Variants in GOLGA8T observed in about 807,000 individuals in gnomAD.
The protein encoded by GOLGA8T is golgin subfamily A member 8T.
A neutral mutation model predicts 52.0 loss-of-function variants in GOLGA8T; 17 were observed. The observed-to-expected ratio is 0.33, with a 90% CI of 0.22 to 0.49. The LOEUF (loss-of-function observed/expected upper bound fraction) is 0.49. GOLGA8T is among the 20% of genes least tolerant of loss of function. GOLGA8T has a pLI of 0.99. For missense variants in GOLGA8T, 154 were observed against 462.1 expected (o/e 0.33, Z 6.11); for synonymous variants, 67 against 169.5 (o/e 0.40, Z 4.70).
chr15:30,137,184 T>C (rs2057701036), intron 2 of GOLGA8T, among the ~76,000 whole-genome samples, 199 bp downstream of exon 2: 1 of 146,500 alleles, frequency 6.8e-6, no homozygotes, highest in Non-Finnish European at 1.5e-5. Flanking sequence ...GAGACCATCC[T>C]GGTTAACACG....
rs745883856 is a variant in GOLGA8T at position 30,142,430 on chromosome 15, G to T, written c.1200+48G>T. 33 of 1,580,558 alleles carry T rather than the reference G, an allele frequency of 2.1e-5. 3 individuals carry two copies. In the Admixed American group the frequency reaches 5.7e-4, roughly 27 times the overall value. ...CCCCATCCAAGAAGGGCTGGGAGGC[G>T]GGCAGCAGACTCTGGGGAGGGGAGG... On this transcript the variant is annotated intron_variant, in intron 13 of 18. Transcript: ENST00000569052.
chr15:30,142,515 G>A lies in GOLGA8T; in HGVS notation c.1200+133G>A. 7 of 1,502,926 alleles carry A rather than the reference G, an allele frequency of 4.7e-6. No individual in the cohort carries two copies. The South Asian group carries it at 8.4e-5, about 18-fold the overall frequency. The allele number at this position is 1,502,926 out of a possible 1,614,324, so 93.1% of individuals were successfully genotyped here. On this transcript the variant is annotated intron_variant, in intron 13 of 18. Transcript: ENST00000569052. ...GGTGACCACAGCACCCCCCAGGGCAGTCCTGTTTCTTGCTTCCTGCCTCTG... is the reference window on the plus strand; with the variant it reads ...GGTGACCACAGCACCCCCCAGGGCAATCCTGTTTCTTGCTTCCTGCCTCTG...
rs866157009 is a variant in GOLGA8T at position 30,148,521 on chromosome 15, T to C, written c.*2954T>C. ...AAATAATTTAAAACATTTTAAAATA[T>C]GAATACTGTAGTATAAAAGAAAGAA... On this transcript the variant is annotated 3_prime_UTR_variant, in exon 19 of 19. Transcript: ENST00000569052. 5.2e-3 allele frequency among the ~76,000 whole-genome samples: 675 copies of C among 130,728 alleles called. 19 individuals carry two copies. Among genetic ancestry groups the C allele is most frequent in the African/African-American group, 0.021 (634 of 29,760 alleles). 85.8% of individuals were successfully genotyped at this position (130,728 alleles called of 152,430 possible). A position where few individuals can be genotyped will look rare whatever the true frequency, so the allele number is the denominator to read the frequency against.
At chr15:30,142,132 G>A in intron 12 of GOLGA8T, 74 bp downstream of exon 12, 2 of 503,232 alleles carry the variant, frequency 4.0e-6, no homozygotes, top group Non-Finnish European at 6.6e-6. Context: ...CTCTAAAATG[G>A]GGCAGTGTAG....
chr15:30,142,461 G>A (rs2057757892), intron 13 of GOLGA8T, 79 bp downstream of exon 13: 2 of 1,573,016 alleles, frequency 1.3e-6, no homozygotes, highest in South Asian at 2.3e-5. Flanking sequence ...GGAGGTACGA[G>A]GCCAGAGGCA....
At position 30,142,363 on chromosome 15, in the gene GOLGA8T, T is replaced by C; in HGVS notation, c.1181T>C (p.Leu394Pro). 6.5e-7 allele frequency: 1 copy of C among 1,545,908 alleles called. No homozygotes were observed. The highest frequency in any genetic ancestry group is 8.7e-7 in the Non-Finnish European group (1 of 1,155,338). ...CAGTTGGAGCAGCAAGTAAAGGAGC[T>C]ACAGGAGAAGCTTGGCGAGGTGAAG... ...ALQLEQQVKELQEKLGEEHLE... is the reference protein window; with the variant it reads ...ALQLEQQVKEPQEKLGEEHLE... The change falls in exon 13 of 19, where the codon CTA becomes CCA. Residue 394 changes from leucine (L) to proline (P), a missense_variant. By Grantham distance (98) the Leu-to-Pro change is moderately conservative. This residue lies in a region of GOLGA8T where 54 missense variants were observed against 51.5 expected (regional missense o/e 1.05). Transcript: ENST00000569052.
chr15:30,142,303 T>C lies in GOLGA8T; in HGVS notation c.1132-11T>C, dbSNP rs754439831. 8.0e-6 allele frequency: 12 copies of C among 1,501,876 alleles called. 1 individual carries two copies. In the South Asian group the frequency reaches 1.4e-4, roughly 18 times the overall value. The allele number at this position is 1,501,876 out of a possible 1,614,324, so 93.0% of individuals were successfully genotyped here. On this transcript the variant is annotated splice_polypyrimidine_tract_variant and intron_variant, in intron 12 of 18. Coordinates refer to ENST00000569052, the MANE Select transcript of GOLGA8T (RefSeq NM_001355469.2). ...GCAGTGGGTGGCTGCTGATTGCTTC[T>C]CTCTGTCCAGAACAATGAGAACAAG...
Position 30,141,352 on chromosome 15 carries a change from G to C in GOLGA8T, c.801G>C (p.Lys267Asn). The C allele has an allele frequency of 1.3e-6, 2 of 1,547,594 alleles. No homozygotes were observed. The highest frequency in any genetic ancestry group is 1.7e-6 in the Non-Finnish European group (2 of 1,158,934). The change falls in exon 11 of 19, where the codon AAG (lysine) becomes AAC (asparagine). Residue 267 changes from lysine to asparagine, a missense_variant. Transcript: ENST00000569052. ...GCTTTGGGCAGATTTGCACATTAAA[G>C]AAAGAGAAGCAGCAAGATATGCGTC... The part of the protein sequence containing the change: ...RKMSQEICTL[K>N]KEKQQDMRRV...
At position 30,141,906 on chromosome 15, in the gene GOLGA8T, A is replaced by C; in HGVS notation, c.979A>C (p.Lys327Gln). 1 of 503,118 alleles carries C rather than the reference A, an allele frequency of 2.0e-6. No homozygotes were observed. Among genetic ancestry groups the C allele is most frequent in the South Asian group, 2.2e-5 (1 of 45,924 alleles). 31.2% of individuals were successfully genotyped at this position (503,118 alleles called of 1,614,324 possible). A position where few individuals can be genotyped will look rare whatever the true frequency, so the allele number is the denominator to read the frequency against. The change falls in exon 12 of 19, where the codon AAA becomes CAA. Residue 327 changes from lysine (K) to glutamine (Q), a missense_variant. Transcript: ENST00000569052. ...GGCAGGAGAGCTCCAGGCCCAGGTCAAAAAGAATCAGCGCATAAGTCTCCT... is the reference window on the plus strand; with the variant it reads ...GGCAGGAGAGCTCCAGGCCCAGGTCCAAAAGAATCAGCGCATAAGTCTCCT... ...RVAGELQAQVKKNQRISLLNQ... is the reference protein window; with the variant it reads ...RVAGELQAQVQKNQRISLLNQ...
At chr15:30,144,494 A>G (rs1717597438) in intron 15 of GOLGA8T, among the ~76,000 whole-genome samples, 1 of 125,602 alleles carries the variant, frequency 8.0e-6, no homozygotes, top group African/African-American at 3.3e-5. Context: ...GCTAGTGCCC[A>G]GGAGAAGCAG....
Position 30,145,623 on chromosome 15 carries a change from T to G in GOLGA8T, c.*56T>G, listed in dbSNP as rs1189589867. ...AATTTTTAAATAAGAAACCAAGTTA[T>G]GGGGTTAATCTCCTACACAATTCAT... is the stretch of plus-strand genomic sequence containing the variant. On this transcript the variant is annotated 3_prime_UTR_variant, in exon 19 of 19. Transcript: ENST00000569052. 47 of 888,568 alleles carry G rather than the reference T, an allele frequency of 5.3e-5. 1 individual carries two copies. The highest frequency in any genetic ancestry group is 7.6e-5 in the Non-Finnish European group (46 of 603,620). The allele number at this position is 888,568 out of a possible 1,614,324, so 55.0% of individuals were successfully genotyped here. A position where few individuals can be genotyped will look rare whatever the true frequency, so the allele number is the denominator to read the frequency against.
rs764581833 is a variant in GOLGA8T at position 30,142,394 on chromosome 15, G to A, written c.1200+12G>A. On this transcript the variant is annotated intron_variant, in intron 13 of 18. Coordinates refer to ENST00000569052, the MANE Select transcript of GOLGA8T (RefSeq NM_001355469.2). ...AGAAGCTTGGCGAGGTGAAGGAGAC[G>A]GAAACCTCCACCCCATCCAAGAAGG... 26 of 1,565,688 alleles carry A rather than the reference G, an allele frequency of 1.7e-5. 2 individuals are homozygous for A. The highest frequency in any genetic ancestry group is 3.6e-5 in the Admixed American group (2 of 55,962).
chr15:30,145,656 C>G lies in GOLGA8T; in HGVS notation c.*89C>G. ...ATCTCCTACACAATTCATTTACTTCCTTTGAATGTTAGACTCACTCATGAT... is the reference window on the plus strand; with the variant it reads ...ATCTCCTACACAATTCATTTACTTCGTTTGAATGTTAGACTCACTCATGAT... On this transcript the variant is annotated 3_prime_UTR_variant, in exon 19 of 19. Coordinates refer to ENST00000569052, the MANE Select transcript of GOLGA8T (RefSeq NM_001355469.2). 1 of 838,890 alleles carries G rather than the reference C, an allele frequency of 1.2e-6. No homozygotes were observed. The highest frequency in any genetic ancestry group is 2.5e-5 in the East Asian group (1 of 40,048). The allele number at this position is 838,890 out of a possible 1,614,324, so 52.0% of individuals were successfully genotyped here. A position where few individuals can be genotyped will look rare whatever the true frequency, so the allele number is the denominator to read the frequency against.
intron 15 of GOLGA8T, among the ~76,000 whole-genome samples, chr15:30,144,551 G>A (rs1457303119): frequency 1.1e-3 from 149 of 131,722 alleles, no homozygotes; most frequent in African/African-American, 4.2e-3. Context: ...TGCTGCCAGC[G>A]CCTGGCTCAC....
intron 10 of GOLGA8T, 26 bp from the exon 11 acceptor site, chr15:30,141,312 G>C (rs750638130): frequency 1.3e-6 from 2 of 1,549,748 alleles, no homozygotes; most frequent in East Asian, 4.7e-5. Flanking sequence ...TCTCTCCAAG[G>C]CCCTTTCCCC....
rs1268806152 is a variant in GOLGA8T, at chr15:30,142,531, C to T, written c.1200+149C>T. 9.5e-6 allele frequency: 14 copies of T among 1,472,618 alleles called. 2 individuals are homozygous for T. In the South Asian group the frequency reaches 1.6e-4, roughly 17 times the overall value. The allele number at this position is 1,472,618 out of a possible 1,614,324, so 91.2% of individuals were successfully genotyped here. A position where few individuals can be genotyped will look rare whatever the true frequency, so the allele number is the denominator to read the frequency against. ...CCCAGGGCAGTCCTGTTTCTTGCTTCCTGCCTCTGACTTTTAAAGGTGGGT... is the reference window on the plus strand; with the variant it reads ...CCCAGGGCAGTCCTGTTTCTTGCTTTCTGCCTCTGACTTTTAAAGGTGGGT... On this transcript the variant is annotated intron_variant, in intron 13 of 18. Coordinates refer to ENST00000569052, the MANE Select transcript of GOLGA8T (RefSeq NM_001355469.2).
At chr15:30,140,553 C>T (rs1438948100) in intron 8 of GOLGA8T, among the ~76,000 whole-genome samples, 57 of 133,000 alleles carry the variant, frequency 4.3e-4, no homozygotes, top group African/African-American at 1.4e-3. Flanking sequence ...TAGCACGGTA[C>T]CTGGTGAAGC....
At position 30,140,879 on chromosome 15, in the gene GOLGA8T, T is replaced by C. The variant is rs560816978; in HGVS notation, c.629T>C (p.Leu210Ser). ...AGCAAAGCACGTACGGAGTGGAAGT[T>C]AGAGCAGTCCATGCGGGAGGAGACA... The part of the protein sequence containing the change: ...SRSKARTEWK[L>S]EQSMREETLL... Residue 210 changes from leucine to serine, a missense_variant, in exon 9 of 19, where the codon TTA becomes TCA. This residue lies in a region of GOLGA8T where 56 missense variants were observed against 134.2 expected (regional missense o/e 0.42). Transcript: ENST00000569052. 6.4e-7 allele frequency: 1 copy of C among 1,559,870 alleles called. No homozygotes were observed. The highest frequency in any genetic ancestry group is 1.7e-5 in the Admixed American group (1 of 58,432).
Position 30,144,841 on chromosome 15 carries a change from C to G in GOLGA8T, c.1431C>G (p.Leu477=), listed in dbSNP as rs753470053. Residue 477 remains leucine, a synonymous_variant, in exon 16 of 19, where the codon CTC becomes CTG. Coordinates refer to ENST00000569052, the MANE Select transcript of GOLGA8T (RefSeq NM_001355469.2). ...TGAGTGAGCTGGTGAAAAAAGAACT[C>G]TGCTTCATCCACCACTGGCGAGACA... ...ADLSELVKKE[L]CFIHHWRDRR... is the part of the protein sequence containing the mutation. 39 of 1,569,186 alleles carry G rather than the reference C, an allele frequency of 2.5e-5. 2 individuals are homozygous for G. The highest frequency in any genetic ancestry group is 2.4e-5 in the Non-Finnish European group (28 of 1,162,876).
Sources: allele counts gnomAD v4.1 joint callset (sites outside exome capture counted in the v4.1 genomes callset), GRCh38; gene constraint gnomAD v4.1.1; regional missense constraint gnomAD v4.1.1; transcripts MANE v1.5; gene names NCBI Gene and HGNC (gene_info 2026-07-23, HGNC 2026-07-21).